The following MEGF11 variants were observed in gnomAD, a reference collection of about 807,000 sequenced individuals.
The protein encoded by MEGF11 is multiple epidermal growth factor-like domains protein 11.
Under a neutral mutation model 146.6 loss-of-function variants are expected in MEGF11, and 126 were observed. The observed-to-expected ratio is 0.86, with a 90% CI of 0.74 to 1.00. The LOEUF (loss-of-function observed/expected upper bound fraction) is 1.00, where lower values mean the gene tolerates loss of function less well. Ranked by LOEUF, MEGF11 falls within the 50% of genes least tolerant of loss-of-function variation. MEGF11 has a pLI of 0.00. For missense variants in MEGF11, 1,509 were observed against 1,521.2 expected (o/e 0.99, Z 0.13); for synonymous variants, 532 against 583.4 (o/e 0.91, Z 1.27).
intron 4 of MEGF11, among the ~76,000 whole-genome samples, chr15:66,113,003 A>G (rs184891959): frequency 4.7e-4 from 72 of 152,332 alleles, no homozygotes; most frequent in African/African-American, 1.7e-3. Flanking sequence ...TTAAATTTAA[A>G]CAATAATTGT....
intron 5 of MEGF11, among the ~76,000 whole-genome samples, chr15:66,084,788 A>T (rs992213599): frequency 5.9e-5 from 9 of 152,200 alleles, no homozygotes; most frequent in African/African-American, 2.2e-4. Flanking sequence ...ACGGGGCGAG[A>T]AGCCTCCTGG....
chr15:65,937,818 A>G (rs2079843100), intron 10 of MEGF11, among the ~76,000 whole-genome samples: 1 of 152,250 alleles, frequency 6.6e-6, no homozygotes. Flanking sequence ...AGCAAAAGAA[A>G]AACCTTGGTG....
intron 1 of MEGF11, among the ~76,000 whole-genome samples, chr15:66,234,249 C>T (rs1450094031): frequency 6.6e-6 from 1 of 152,196 alleles, no homozygotes; most frequent in Non-Finnish European, 1.5e-5. Context: ...GCCATGTCAC[C>T]ACCATGAGGC....
At chr15:66,240,741 C>G (rs982685867) in intron 1 of MEGF11, among the ~76,000 whole-genome samples, 1 of 152,158 alleles carries the variant, frequency 6.6e-6, no homozygotes, top group Non-Finnish European at 1.5e-5. Flanking sequence ...CATGGCAGAG[C>G]CAGGACTCAA....
chr15:66,088,509 G>A (rs1440869311), intron 5 of MEGF11, among the ~76,000 whole-genome samples: 2 of 152,164 alleles, frequency 1.3e-5, no homozygotes, highest in Non-Finnish European at 2.9e-5. Context: ...AAAAGTAGCT[G>A]GGCGTGGTGG....
intron 5 of MEGF11, among the ~76,000 whole-genome samples, chr15:66,057,972 T>C (rs1003958693): frequency 2.0e-5 from 3 of 152,192 alleles, no homozygotes; most frequent in African/African-American, 7.2e-5. Context: ...AGTTAACTAT[T>C]AATTGCCACA....
At chr15:66,082,562 A>G (rs1290294778) in intron 5 of MEGF11, among the ~76,000 whole-genome samples, 2 of 143,632 alleles carry the variant, frequency 1.4e-5, no homozygotes, top group African/African-American at 5.2e-5. Flanking sequence ...AGTCCCAGCT[A>G]CTGGGGAAGC....
chr15:66,163,424 C>T (rs373683674), intron 1 of MEGF11, among the ~76,000 whole-genome samples: 14 of 152,086 alleles, frequency 9.2e-5, no homozygotes, highest in African/African-American at 3.1e-4. Flanking sequence ...AGTGGAGGAG[C>T]GCTCCAGTGA....
intron 8 of MEGF11, among the ~76,000 whole-genome samples, chr15:65,965,619 T>TCTTTCTTTCTTTCTTTC (rs2081059626): frequency 5.8e-5 from 7 of 120,024 alleles, no homozygotes; most frequent in Admixed American, 8.6e-5. Context: ...TTTTCTTTTT[T>TCTTTCTTTCTTTCTTTC]TTTTTTTTGG....
At chr15:65,955,829 T>TATATATATATATATATATAA (rs1238611580) in intron 10 of MEGF11, among the ~76,000 whole-genome samples, 1 of 103,150 alleles carries the variant, frequency 9.7e-6, no homozygotes, top group Admixed American at 1.2e-4. Context: ...TTTAAATATA[T>TATATATATATATATATATAA]AACATGTAAT....
intron 5 of MEGF11, among the ~76,000 whole-genome samples, chr15:65,988,347 T>G (rs1430765678): frequency 1.3e-5 from 2 of 152,218 alleles, no homozygotes; most frequent in Non-Finnish European, 2.9e-5. Flanking sequence ...ATTTCTAGAT[T>G]CTAAATGGAA....
chr15:66,232,309 C>T (rs1470454233), intron 1 of MEGF11, among the ~76,000 whole-genome samples: 1 of 152,188 alleles, frequency 6.6e-6, no homozygotes, highest in African/African-American at 2.4e-5. Context: ...ATCTTCTCTC[C>T]CCACTCCCAG....
At chr15:66,061,991 C>T (rs568927930) in intron 5 of MEGF11, among the ~76,000 whole-genome samples, 18 of 152,358 alleles carry the variant, frequency 1.2e-4, no homozygotes, top group African/African-American at 4.1e-4. Flanking sequence ...AACTTCTAGG[C>T]TCAAGTGATG....
chr15:66,152,145 C>T (rs931209949), intron 1 of MEGF11, among the ~76,000 whole-genome samples: 11 of 152,158 alleles, frequency 7.2e-5, no homozygotes, highest in African/African-American at 2.7e-4. Flanking sequence ...ATGGGCACTG[C>T]CAGCTTCTCC....
intron 17 of MEGF11, 126 bp downstream of exon 17, chr15:65,916,702 C>G (rs2079009642): frequency 1.3e-6 from 2 of 1,483,300 alleles, no homozygotes; most frequent in Admixed American, 3.9e-5. Flanking sequence ...GGGCAGGAGT[C>G]AGGTACCACC....
intron 10 of MEGF11, 77 bp downstream of exon 10, chr15:65,957,470 T>C (rs1027874582): frequency 7.0e-6 from 10 of 1,430,040 alleles, no homozygotes; most frequent in Non-Finnish European, 9.5e-6. Context: ...AGGGCCACAG[T>C]CCTGATTGCA....
At chr15:65,997,577 TA>T (rs2082239316) in intron 5 of MEGF11, among the ~76,000 whole-genome samples, 2 of 152,326 alleles carry the variant, frequency 1.3e-5, no homozygotes, top group South Asian at 4.1e-4. Context: ...TTATTCTATC[TA>T]ATACGATGTA....
chr15:66,183,158 A>G (rs543488290), intron 1 of MEGF11, among the ~76,000 whole-genome samples: 1 of 152,188 alleles, frequency 6.6e-6, no homozygotes, highest in Non-Finnish European at 1.5e-5. Context: ...ACATATTCCA[A>G]ACACTTCAGA....
At chr15:65,953,729 G>C (rs1334001810) in intron 10 of MEGF11, among the ~76,000 whole-genome samples, 1 of 151,838 alleles carries the variant, frequency 6.6e-6, no homozygotes, top group Non-Finnish European at 1.5e-5. Context: ...AATGTCCTGG[G>C]AAGGAAGTGG....
Sources: gnomAD v4.1 joint callset for allele counts (sites outside exome capture counted in the v4.1 genomes callset) on GRCh38, gnomAD v4.1.1 for gene constraint, MANE v1.5 for transcripts, NCBI Gene and HGNC (gene_info 2026-07-23, HGNC 2026-07-21) for gene names.